Variants in CCDC158 observed in about 807,000 individuals in gnomAD.
The protein encoded by CCDC158 is coiled-coil domain-containing protein 158.
A neutral mutation model predicts 138.6 loss-of-function variants in CCDC158; 116 were observed. The ratio of observed to expected loss-of-function variants is 0.84; its 90% confidence interval spans 0.72 to 0.98. CCDC158 has a LOEUF of 0.98. Ranked by LOEUF, CCDC158 falls within the 50% of genes least tolerant of loss-of-function variation. The pLI, the probability that CCDC158 is intolerant of heterozygous loss-of-function variation, is 0.00. For missense variants in CCDC158, 1,265 were observed against 1,306.1 expected, an observed-to-expected ratio of 0.97 and a Z score of 0.48; for synonymous variants, 436 against 442.4, an observed-to-expected ratio of 0.99 and a Z score of 0.18.
chr4:76,405,923 A>AT (rs1221274649), intron 2 of CCDC158, among the ~76,000 whole-genome samples: 39 of 152,194 alleles, frequency 2.6e-4, no homozygotes, highest in Non-Finnish European at 7.3e-5. Flanking sequence ...TCTAGCAAAT[A>AT]TAACACATTC....
Position 76,367,376 on chromosome 4 carries a change from C to T in CCDC158, c.1748G>A (p.Arg583Gln), listed in dbSNP as rs370067451. 52 of 1,614,072 alleles carry T rather than the reference C, an allele frequency of 3.2e-5. No individual in the cohort carries two copies. Among genetic ancestry groups the T allele is most frequent in the Non-Finnish European group, 3.4e-5 (40 of 1,180,028 alleles). ...TTCTACTTGCATAGCTCCAGCAGTTCGTCCATGCTGGCCCACCAGCTGTGT... is the reference window on the plus strand; with the variant it reads ...TTCTACTTGCATAGCTCCAGCAGTTTGTCCATGCTGGCCCACCAGCTGTGT... ...NMTQLVGQHG[R>Q]TAGAMQVEKA... The change falls in exon 12 of 25, where the codon CGA (arginine) becomes CAA (glutamine). Residue 583 changes from arginine (R) to glutamine (Q), a missense_variant. By Grantham distance (43) the Arg-to-Gln change is conservative. Coordinates refer to ENST00000682701, the MANE Select transcript of CCDC158 (RefSeq NM_001394954.1).
intron 4 of CCDC158, 131 bp from the exon 5 acceptor site, chr4:76,384,796 CAA>C (rs1726637970): frequency 9.4e-6 from 6 of 639,318 alleles, no homozygotes; most frequent in Non-Finnish European, 1.6e-5. Context: ...TGCTGCAGTT[CAA>C]AGTCTAATTA....
intron 3 of CCDC158, among the ~76,000 whole-genome samples, chr4:76,402,733 A>G (rs1728507133): frequency 6.6e-6 from 1 of 152,208 alleles, no homozygotes; most frequent in Admixed American, 6.5e-5. Flanking sequence ...GAGGGAAAAA[A>G]TGGATTCAAG....
intron 1 of CCDC158, among the ~76,000 whole-genome samples, chr4:76,415,495 G>T (rs536255433): frequency 4.4e-4 from 67 of 152,188 alleles, no homozygotes; most frequent in African/African-American, 1.5e-3. Flanking sequence ...GCAAGAGACC[G>T]AGGGCATGAG....
At chr4:76,364,730 T>C (rs1425183665) in intron 12 of CCDC158, among the ~76,000 whole-genome samples, 1 of 152,246 alleles carries the variant, frequency 6.6e-6, no homozygotes, top group Non-Finnish European at 1.5e-5. Context: ...CATCAGATTG[T>C]TTCCCCAAAT....
At chr4:76,361,533 A>G (rs1310313697) in intron 13 of CCDC158, among the ~76,000 whole-genome samples, 4 of 152,188 alleles carry the variant, frequency 2.6e-5, no homozygotes, top group African/African-American at 4.8e-5. Context: ...CTGCACTCCA[A>G]CCTGGTGGAC....
chr4:76,374,396 G>T (rs985141245), intron 9 of CCDC158, among the ~76,000 whole-genome samples: 1 of 152,198 alleles, frequency 6.6e-6, no homozygotes, highest in African/African-American at 2.4e-5. Flanking sequence ...AATTATGTTT[G>T]CCTGGCAAGG....
At chr4:76,334,609 C>T (rs1721300605) in intron 18 of CCDC158, among the ~76,000 whole-genome samples, 2 of 152,138 alleles carry the variant, frequency 1.3e-5, no homozygotes, top group African/African-American at 4.8e-5. Context: ...CCACATCTTA[C>T]TGATGAGGAA....
chr4:76,367,767 T>C lies in CCDC158; in HGVS notation c.1357A>G (p.Ile453Val). The change falls in exon 12 of 25, where the codon ATT becomes GTT. Residue 453 changes from isoleucine to valine, a missense_variant. By Grantham distance (29) the Ile-to-Val change is conservative (BLOSUM62 3). Coordinates refer to ENST00000682701, the MANE Select transcript of CCDC158 (RefSeq NM_001394954.1). ...TCTAGACTTTCATTCTTTCCTTGAA[T>C]TGCTGCCATCTGATTGTTAAAGAAA... ...QGQMERQMAA[I>V]QGKNESLEKV... 1 of 1,599,762 alleles carries C rather than the reference T, an allele frequency of 6.3e-7. No individual in the cohort carries two copies. The highest frequency in any genetic ancestry group is 1.3e-5 in the African/African-American group (1 of 74,638).
intron 18 of CCDC158, among the ~76,000 whole-genome samples, chr4:76,335,029 G>GC (rs1721349221): frequency 6.6e-6 from 1 of 152,154 alleles, no homozygotes. Flanking sequence ...GAAGATATGA[G>GC]AGTTCCAACT....
rs1420454185 is a variant in CCDC158 at position 76,362,146 on chromosome 4, C to T, written c.2000G>A (p.Ser667Asn). 1 of 1,613,752 alleles carries T rather than the reference C, an allele frequency of 6.2e-7. No homozygotes were observed. Among genetic ancestry groups the T allele is most frequent in the Non-Finnish European group, 8.5e-7 (1 of 1,179,908 alleles). ...QLLNEVKTSR[S>N]ELNNLSEEYE... ...CATACCTGAAAGATTGTTTAATTCA[C>T]TCCTACTTGTTTTCACCTCATTTAA... Residue 667 changes from serine to asparagine, a missense_variant, in exon 13 of 25, where the codon AGT becomes AAT. By Grantham distance (46) the Ser-to-Asn change is conservative. Coordinates refer to ENST00000682701, the MANE Select transcript of CCDC158 (RefSeq NM_001394954.1).
chr4:76,362,339 G>GGATA lies in CCDC158; in HGVS notation c.1831-28_1831-25dup, dbSNP rs111992938. On this transcript the variant is annotated intron_variant, in intron 12 of 24. Coordinates refer to ENST00000682701, the MANE Select transcript of CCDC158 (RefSeq NM_001394954.1). ...ATCTAAATATATGGATAAATACAAA[G>GGATA]GATAGAGAAGTAAAAAATATGTACA... 5.6e-3 allele frequency: 8,644 copies of GGATA among 1,548,038 alleles called. 391 individuals are homozygous for GGATA. In the African/African-American group the frequency reaches 0.1, roughly 18 times the overall value.
intron 2 of CCDC158, among the ~76,000 whole-genome samples, chr4:76,408,670 C>T (rs11938681): frequency 1.4e-3 from 219 of 152,166 alleles, no homozygotes; most frequent in African/African-American, 5.1e-3. Flanking sequence ...TCTTTATAGC[C>T]GCATGATTTA....
At chr4:76,317,117 C>G (rs1315477643) in intron 24 of CCDC158, among the ~76,000 whole-genome samples, 1 of 150,988 alleles carries the variant, frequency 6.6e-6, no homozygotes, top group Non-Finnish European at 1.5e-5. Flanking sequence ...ATGAACAAAA[C>G]AGTATCTCGT....
chr4:76,366,770 T>A (rs1724713524), intron 12 of CCDC158, among the ~76,000 whole-genome samples: 1 of 152,126 alleles, frequency 6.6e-6, no homozygotes, highest in East Asian at 1.9e-4. Flanking sequence ...TTTAAATTAT[T>A]AAGTTATTTA....
chr4:76,384,616 A>G lies in CCDC158; in HGVS notation c.338T>C (p.Ile113Thr), dbSNP rs770409315. The G allele has an allele frequency of 1.1e-5, 17 of 1,613,714 alleles. No homozygotes were observed. In the African/African-American group the frequency reaches 1.9e-4, roughly 18 times the overall value. ...KQKFYLRQSV[I>T]DLQTKLQEMQ... is the part of the protein sequence containing the mutation. ...CTCCTGAAGTTTTGTTTGCAAATCA[A>G]TGACTGACTGCCTCAAATAAAACTT... Residue 113 changes from isoleucine to threonine, a missense_variant, in exon 5 of 25, where the codon ATT (isoleucine) becomes ACT (threonine). Physicochemically the swap from Ile to Thr is moderately conservative, Grantham distance 89. Coordinates refer to ENST00000682701, the MANE Select transcript of CCDC158 (RefSeq NM_001394954.1).
intron 3 of CCDC158, among the ~76,000 whole-genome samples, chr4:76,402,675 A>T (rs1393838025): frequency 6.6e-6 from 1 of 152,114 alleles, no homozygotes; most frequent in Non-Finnish European, 1.5e-5. Context: ...AATAATTTGG[A>T]TCAGAGGTGA....
intron 20 of CCDC158, 132 bp from the exon 21 acceptor site, chr4:76,331,535 A>G (rs1721011414): frequency 1.4e-6 from 1 of 703,794 alleles, no homozygotes; most frequent in Middle Eastern, 4.0e-4. Flanking sequence ...CTGGATAAAT[A>G]AATCATAAAC....
intron 2 of CCDC158, among the ~76,000 whole-genome samples, chr4:76,411,276 C>T: frequency 6.6e-6 from 1 of 152,208 alleles, no homozygotes; most frequent in East Asian, 1.9e-4. Flanking sequence ...GTGGTACTTG[C>T]CTGTAGTCCC....
Sources: allele counts gnomAD v4.1 joint callset (sites outside exome capture counted in the v4.1 genomes callset), GRCh38; gene constraint gnomAD v4.1.1; transcripts MANE v1.5; gene names NCBI Gene and HGNC (gene_info 2026-07-23, HGNC 2026-07-21).